Variants in CEP170 observed in about 807,000 individuals in gnomAD.
CEP170 encodes centrosomal protein 170, also known as centrosomal protein of 170 kDa.
CEP170 carries 21 observed loss-of-function variants against 151.9 expected under a neutral mutation model. The ratio of observed to expected loss-of-function variants is 0.14; its 90% CI spans 0.10 to 0.20. The LOEUF (loss-of-function observed/expected upper bound fraction) is 0.20. Ranked by LOEUF, CEP170 falls within the 10% of genes least tolerant of loss-of-function variation. The pLI, the probability that CEP170 is intolerant of heterozygous loss-of-function variation, is 1.00. For synonymous variants in CEP170, 356 were observed against 648.8 expected (o/e 0.55, Z 6.86); for missense variants, 964 against 1,892.9 (o/e 0.51, Z 9.11).
intron 12 of CEP170, 109 bp downstream of exon 12, chr1:243,169,519 A>T (rs1313952848): frequency 8.1e-6 from 12 of 1,488,104 alleles, no homozygotes; most frequent in Non-Finnish European, 1.1e-5. Context: ...TTTTTATAAT[A>T]ACAACTGATA....
rs765183532 is a variant in CEP170 at position 243,164,682 on chromosome 1, G to A, written c.3278C>T (p.Pro1093Leu). The change falls in exon 13 of 20, where the codon CCA (proline) becomes CTA (leucine). Residue 1093 changes from proline to leucine, a missense_variant. Physicochemically the swap from Pro to Leu is moderately conservative, Grantham distance 98 (BLOSUM62 -3). Coordinates refer to ENST00000366542, the MANE Select transcript of CEP170 (RefSeq NM_014812.3). ...SGSSSKSTTL[P>L]RPRPTRTSLL... ...GGAAGTCCTGGTAGGTCGTGGCCTT[G>A]GAAGGGTGGTTGATTTACTAGATGA... 1.2e-6 allele frequency: 2 copies of A among 1,613,790 alleles called. No individual in the cohort carries two copies. Among genetic ancestry groups the A allele is most frequent in the South Asian group, 2.2e-5 (2 of 91,070 alleles).
intron 10 of CEP170, among the ~76,000 whole-genome samples, chr1:243,174,174 A>G (rs2059067666): frequency 6.6e-6 from 1 of 151,774 alleles, no homozygotes; most frequent in Middle Eastern, 3.2e-3. Context: ...GCAGGACCTG[A>G]GTCTTACTCA....
At chr1:243,242,536 C>T (rs566327813) in intron 1 of CEP170, among the ~76,000 whole-genome samples, 187 of 152,014 alleles carry the variant, frequency 1.2e-3, no homozygotes, top group African/African-American at 4.3e-3. Context: ...ATGTTCTAAA[C>T]GTTACTCACA....
intron 7 of CEP170, among the ~76,000 whole-genome samples, chr1:243,193,210 A>G (rs968549172): frequency 1.3e-5 from 2 of 152,084 alleles, no homozygotes; most frequent in Admixed American, 6.6e-5. Flanking sequence ...AATAAAATGT[A>G]TTAACTGCTT....
At chr1:243,160,344 T>C (rs2057965008) in intron 13 of CEP170, among the ~76,000 whole-genome samples, 1 of 152,120 alleles carries the variant, frequency 6.6e-6, no homozygotes, top group Admixed American at 6.6e-5. Context: ...ACAGCATATA[T>C]ATTAAAATGA....
At chr1:243,157,734 G>T (rs1347337630) in intron 13 of CEP170, among the ~76,000 whole-genome samples, 1 of 152,158 alleles carries the variant, frequency 6.6e-6, no homozygotes, top group African/African-American at 2.4e-5. Context: ...GGATCTCTAA[G>T]GCTGAGGTTG....
intron 13 of CEP170, among the ~76,000 whole-genome samples, chr1:243,163,698 G>A (rs1233536137): frequency 1.3e-5 from 2 of 152,034 alleles, no homozygotes; most frequent in African/African-American, 4.8e-5. Context: ...ATAAATTAAG[G>A]TTAGTTTTCA....
Position 243,172,698 on chromosome 1 carries a change from T to C in CEP170, c.1715A>G (p.Glu572Gly), listed in dbSNP as rs1357094748. The change falls in exon 11 of 20, where the codon GAG becomes GGG. Residue 572 changes from glutamate to glycine, a missense_variant and splice_region_variant. Physicochemically the swap from Glu to Gly is moderately conservative, Grantham distance 98. Coordinates refer to ENST00000366542, the MANE Select transcript of CEP170 (RefSeq NM_014812.3). Reference sequence around the variant, plus strand: ...TAGGTACACAGAAGAGATGTATACCTCTGAGTGGTGAAATCCAGATGTAGT... The same window carrying C: ...TAGGTACACAGAAGAGATGTATACCCCTGAGTGGTGAAATCCAGATGTAGT... ...PLTTSGFHHS[E>G]EGTSSSGSKR... 3.1e-6 allele frequency: 5 copies of C among 1,590,694 alleles called. No individual in the cohort carries two copies. The Admixed American group carries it at 8.9e-5, about 28-fold the overall frequency.
intron 2 of CEP170, among the ~76,000 whole-genome samples, chr1:243,224,067 A>T (rs1228132864): frequency 6.6e-6 from 1 of 152,220 alleles, no homozygotes; most frequent in Admixed American, 6.5e-5. Context: ...ATTTCTATAT[A>T]ATCAAATTCA....
In CEP170 at chr1:243,139,993, C is replaced by T; in HGVS notation, c.4174G>A (p.Ala1392Thr). 1.2e-6 allele frequency: 2 copies of T among 1,613,840 alleles called. No homozygotes were observed. Among genetic ancestry groups the T allele is most frequent in the Non-Finnish European group, 1.7e-6 (2 of 1,179,774 alleles). Reference protein sequence around the residue: ...GRSGDPRPQAAEPPDHLTITR... With the variant: ...GRSGDPRPQATEPPDHLTITR... ...ATTGTTAAGTGATCGGGAGGCTCTG[C>T]TGCTTGAGGTCTTGGATCACCAGAT... The change falls in exon 16 of 20, where the codon GCA (alanine) becomes ACA (threonine). Residue 1392 changes from alanine to threonine, a missense_variant. Transcript: ENST00000366542.
At chr1:243,214,909 T>G (rs1038806989) in intron 3 of CEP170, among the ~76,000 whole-genome samples, 1 of 152,180 alleles carries the variant, frequency 6.6e-6, no homozygotes, top group African/African-American at 2.4e-5. Flanking sequence ...TGTACAATAT[T>G]TTTTTTAAAA....
At chr1:243,170,349 C>T (rs2058741142) in intron 11 of CEP170, among the ~76,000 whole-genome samples, 1 of 151,918 alleles carries the variant, frequency 6.6e-6, no homozygotes, top group African/African-American at 2.4e-5. Context: ...CGTGCCACTG[C>T]ACTCCAGTCT....
At chr1:243,251,291 A>G (rs2149204678) in intron 1 of CEP170, among the ~76,000 whole-genome samples, 1 of 152,318 alleles carries the variant, frequency 6.6e-6, no homozygotes, top group East Asian at 1.9e-4. Flanking sequence ...CTGACTTCTA[A>G]AGTTCCCTTG....
chr1:243,182,960 G>A (rs1335135497), intron 10 of CEP170, among the ~76,000 whole-genome samples: 3 of 151,274 alleles, frequency 2.0e-5, no homozygotes. Flanking sequence ...ACAAGTTGAT[G>A]ACAGTGACTA....
chr1:243,201,376 C>T (rs1239377400), intron 4 of CEP170, among the ~76,000 whole-genome samples: 3 of 152,048 alleles, frequency 2.0e-5, no homozygotes, highest in East Asian at 3.9e-4. Flanking sequence ...CAATCAAGGT[C>T]GTATTACATT....
intron 14 of CEP170, among the ~76,000 whole-genome samples, chr1:243,142,759 A>G (rs1287203941): frequency 6.6e-6 from 1 of 152,204 alleles, no homozygotes; most frequent in Non-Finnish European, 1.5e-5. Context: ...AATACATCAC[A>G]GGGGTCTTAA....
At chr1:243,159,799 G>GTGTGTGTGTGTGTGTGTGTGTGTT in intron 13 of CEP170, among the ~76,000 whole-genome samples, 1 of 151,044 alleles carries the variant, frequency 6.6e-6, no homozygotes, top group Non-Finnish European at 1.5e-5. Flanking sequence ...GTGTGTGTGT[G>GTGTGTGTGTGTGTGTGTGTGTGTT]TGTTTTTGAG....
rs1408108795 is a variant in CEP170, at chr1:243,225,169, C to G, written c.105+7G>C. The G allele has an allele frequency of 1.3e-6, 2 of 1,565,490 alleles. No individual in the cohort carries two copies. Among genetic ancestry groups the G allele is most frequent in the Middle Eastern group, 1.7e-4 (1 of 5,920 alleles). ...TAAACACATATAGAGAAGCTTGACA[C>G]AATTACCTGCAACATGAGCTCACAG... On this transcript the variant is annotated splice_region_variant and intron_variant, in intron 2 of 19. Transcript: ENST00000366542.
At chr1:243,224,485 T>C (rs2063073047) in intron 2 of CEP170, among the ~76,000 whole-genome samples, 2 of 151,912 alleles carry the variant, frequency 1.3e-5, no homozygotes, top group South Asian at 4.2e-4. Flanking sequence ...AAACACCTCA[T>C]GATATTTTAA....
Sources: allele counts gnomAD v4.1 joint callset (sites outside exome capture counted in the v4.1 genomes callset), GRCh38; gene constraint gnomAD v4.1.1; transcripts MANE v1.5; gene names NCBI Gene and HGNC (gene_info 2026-07-23, HGNC 2026-07-21).